The following SYT6 variants were observed in gnomAD, a reference collection of about 807,000 sequenced individuals.
The protein encoded by SYT6 is synaptotagmin 6.
SYT6 carries 24 observed loss-of-function variants against 38.4 expected under a neutral mutation model. The observed-to-expected ratio is 0.62, with a 90% CI of 0.45 to 0.88. SYT6 has a LOEUF of 0.88. Among genes scored for constraint, SYT6 ranks in the 40% least tolerant of loss-of-function variants. The probability of loss-of-function intolerance (pLI) is 0.00; values close to 1 mark genes in which losing one functional copy is unlikely to be tolerated. For missense variants in SYT6, 611 were observed against 621.0 expected (o/e 0.98, Z 0.17); for synonymous variants, 265 against 241.9 (o/e 1.10, Z -0.89).
At chr1:114,131,346 C>G (rs1470016708) in intron 3 of SYT6, among the ~76,000 whole-genome samples, 4 of 152,240 alleles carry the variant, frequency 2.6e-5, no homozygotes, top group Non-Finnish European at 5.9e-5. Flanking sequence ...TCGCCCTCCT[C>G]TGACTTCCTC....
chr1:114,110,834 T>C (rs677674), intron 3 of SYT6, among the ~76,000 whole-genome samples: 79,796 of 152,004 alleles, frequency 0.52, 22,090 homozygotes, highest in Non-Finnish European at 0.62. Flanking sequence ...TGCCAGATCC[T>C]TGCAGTTTTC....
intron 3 of SYT6, among the ~76,000 whole-genome samples, chr1:114,125,112 A>G (rs1677645780): frequency 6.6e-6 from 1 of 152,224 alleles, no homozygotes; most frequent in Non-Finnish European, 1.5e-5. Flanking sequence ...AGTGCATCAG[A>G]CACAGGTTTT....
At position 114,145,027 on chromosome 1, in the gene SYT6, GGA is replaced by G. The variant is rs533637635; in HGVS notation, c.164-5066_164-5065del. Among the ~76,000 whole-genome samples the G allele has an allele frequency of 2.3e-3, 345 of 152,242 alleles. 2 individuals carry two copies. Among genetic ancestry groups the G allele is most frequent in the African/African-American group, 8.0e-3 (334 of 41,534 alleles). Reference sequence around the variant, plus strand: ...AGGAGCTGGAGGTAGTCCTTCACCTGGAGACTGCCAGACACCGGGAAAGCTCA... The same window carrying G: ...AGGAGCTGGAGGTAGTCCTTCACCTGGACTGCCAGACACCGGGAAAGCTCA... On this transcript the variant is annotated intron_variant, in intron 1 of 7. Coordinates refer to ENST00000610222, the MANE Select transcript of SYT6 (RefSeq NM_001253772.2).
intron 3 of SYT6, among the ~76,000 whole-genome samples, chr1:114,114,511 T>A (rs116358892): frequency 3.9e-5 from 6 of 152,302 alleles, no homozygotes; most frequent in South Asian, 2.1e-4. Flanking sequence ...TTGCTGTGGT[T>A]ATTGAGATGG....
In SYT6 at chr1:114,144,415, A is replaced by T. The variant is rs550390671; in HGVS notation, c.164-4452T>A. Among the ~76,000 whole-genome samples, 9 of 152,344 alleles carry T rather than the reference A, an allele frequency of 5.9e-5. 1 individual carries two copies. In the South Asian group the frequency reaches 1.9e-3, roughly 32 times the overall value. ...TCACAGAAGGGACTTGCTTGGAGTC[A>T]CAGGTTGGTCAGACACAGAACCTGG... On this transcript the variant is annotated intron_variant, in intron 1 of 7. Coordinates refer to ENST00000610222, the MANE Select transcript of SYT6 (RefSeq NM_001253772.2).
At chr1:114,112,423 C>A (rs533745529) in intron 3 of SYT6, among the ~76,000 whole-genome samples, 1 of 152,336 alleles carries the variant, frequency 6.6e-6, no homozygotes, top group South Asian at 2.1e-4. Flanking sequence ...CTTCGTGAAC[C>A]TGCCCTTGAA....
At chr1:114,152,064 C>A (rs1679465519) in intron 1 of SYT6, among the ~76,000 whole-genome samples, 1 of 152,124 alleles carries the variant, frequency 6.6e-6, no homozygotes, top group Non-Finnish European at 1.5e-5. Context: ...CTGGATACAG[C>A]CCCCTCACAC....
chr1:114,109,485 C>T (rs745966459), intron 3 of SYT6, among the ~76,000 whole-genome samples: 7 of 152,290 alleles, frequency 4.6e-5, no homozygotes, highest in South Asian at 2.1e-4. Context: ...CTTACTTAAC[C>T]TTTCATAATC....
chr1:114,115,421 AC>A (rs1676933402), intron 3 of SYT6, among the ~76,000 whole-genome samples: 1 of 145,044 alleles, frequency 6.9e-6, no homozygotes, highest in Admixed American at 6.9e-5. Context: ...GGTACTTAAC[AC>A]TTTTTTTTTT....
At chr1:114,120,363 C>T (rs1006498607) in intron 3 of SYT6, among the ~76,000 whole-genome samples, 2 of 152,170 alleles carry the variant, frequency 1.3e-5, no homozygotes, top group Admixed American at 6.5e-5. Flanking sequence ...GACTATCTTT[C>T]CCTTATTGTG....
At chr1:114,104,580 A>G (rs781248701) in intron 3 of SYT6, among the ~76,000 whole-genome samples, 3 of 152,192 alleles carry the variant, frequency 2.0e-5, no homozygotes, top group Non-Finnish European at 4.4e-5. Flanking sequence ...GGACTCCAAG[A>G]TATGGAGACA....
chr1:114,143,558 ATG>A (rs1037370449), intron 1 of SYT6, among the ~76,000 whole-genome samples: 7 of 148,728 alleles, frequency 4.7e-5, no homozygotes, highest in East Asian at 3.9e-4. Context: ...ACTTATGTGC[ATG>A]TGTGTGTGTG....
intron 3 of SYT6, among the ~76,000 whole-genome samples, chr1:114,114,604 A>T (rs112314239): frequency 6.6e-6 from 1 of 152,154 alleles, no homozygotes; most frequent in African/African-American, 2.4e-5. Context: ...TGGAGACTTG[A>T]TTCCTGAGCT....
intron 3 of SYT6, among the ~76,000 whole-genome samples, chr1:114,111,899 G>A (rs1216810348): frequency 6.6e-6 from 1 of 152,156 alleles, no homozygotes. Context: ...GGCCCCTGCT[G>A]TGAACACCGG....
At chr1:114,126,398 T>C (rs1035503937) in intron 3 of SYT6, among the ~76,000 whole-genome samples, 1 of 152,192 alleles carries the variant, frequency 6.6e-6, no homozygotes, top group African/African-American at 2.4e-5. Flanking sequence ...GACCCTAGTC[T>C]CTCTGAATTG....
Position 114,137,648 on chromosome 1 carries a change from C to G in SYT6, c.918G>C (p.Glu306Asp). The G allele has an allele frequency of 6.2e-7, 1 of 1,614,168 alleles. No individual in the cohort carries two copies. The part of the protein sequence containing the change: ...ENFHFPVPYE[E>D]LADRKLHLSV... ...TGAGATGCAGCTTGCGGTCAGCCAG[C>G]TCCTCATAGGGCACAGGGAAGTGGA... is the stretch of plus-strand genomic sequence containing the variant. The change falls in exon 3 of 8, where the codon GAG becomes GAC. Residue 306 changes from glutamate to aspartate, a missense_variant. Glu to Asp is a conservative substitution (Grantham distance 45). Coordinates refer to ENST00000610222, the MANE Select transcript of SYT6 (RefSeq NM_001253772.2).
chr1:114,150,944 G>A (rs561087152), intron 1 of SYT6, among the ~76,000 whole-genome samples: 1 of 152,302 alleles, frequency 6.6e-6, no homozygotes, highest in Admixed American at 6.5e-5. Context: ...CAGTCTCAGG[G>A]TGTTACTAGA....
intron 3 of SYT6, among the ~76,000 whole-genome samples, chr1:114,118,550 G>A (rs567939619): frequency 6.6e-6 from 1 of 152,308 alleles, no homozygotes; most frequent in African/African-American, 2.4e-5. Flanking sequence ...CAGGAATGGC[G>A]CTGCCTGGCA....
intron 4 of SYT6, among the ~76,000 whole-genome samples, chr1:114,102,738 C>A (rs1418876530): frequency 6.6e-6 from 1 of 152,180 alleles, no homozygotes; most frequent in Non-Finnish European, 1.5e-5. Context: ...TCTAGGGAAA[C>A]AAACTGAGCT....
Sources: gnomAD v4.1 joint callset for allele counts (sites outside exome capture counted in the v4.1 genomes callset) on GRCh38, gnomAD v4.1.1 for gene constraint, MANE v1.5 for transcripts, NCBI Gene and HGNC (gene_info 2026-07-23, HGNC 2026-07-21) for gene names.